Variants in GLMN observed in about 807,000 individuals in gnomAD.
GLMN encodes glomulin, FKBP associated protein, also known as glomulin.
Under a neutral mutation model 87.8 loss-of-function variants are expected in GLMN, and 75 were observed. The ratio of observed to expected loss-of-function variants is 0.85; its 90% CI spans 0.71 to 1.04. The LOEUF is 1.04. GLMN is among the 50% of genes least tolerant of loss of function. The probability of loss-of-function intolerance (pLI) is 0.00; values close to 1 mark genes in which losing one functional copy is unlikely to be tolerated. For synonymous variants in GLMN, 206 were observed against 221.6 expected, an observed-to-expected ratio of 0.93 and a Z score of 0.63; for missense variants, 588 against 658.8, an observed-to-expected ratio of 0.89 and a Z score of 1.18.
upstream of GLMN, chr1:92,300,172 CAT>C (rs1650712388): frequency 1.3e-6 from 2 of 1,573,886 alleles, no homozygotes; most frequent in African/African-American, 1.4e-5. Context: ...TTATGTAGCA[CAT>C]GACTGTATTT....
the GLMN span, among the ~76,000 whole-genome samples, chr1:92,310,106 A>G: frequency 6.6e-6 from 1 of 152,212 alleles, no homozygotes; most frequent in Admixed American, 6.5e-5. Context: ...GGAAACAGTG[A>G]ATAATCTATA....
chr1:92,365,883 C>G, the GLMN span, among the ~76,000 whole-genome samples: 1 of 152,166 alleles, frequency 6.6e-6, no homozygotes, highest in African/African-American at 2.4e-5. Context: ...GTTATTTGTT[C>G]ATCTTTTACT....
rs2087194 is a variant in GLMN, at chr1:92,268,409, A to C, written c.978-274T>G. 0.48 allele frequency among the ~76,000 whole-genome samples: 72,450 copies of C among 152,046 alleles called. 18,272 individuals are homozygous for C. Among genetic ancestry groups the C allele is most frequent in the East Asian group, 0.96 (4,999 of 5,186 alleles). On this transcript the variant is annotated intron_variant, in intron 9 of 18. Coordinates refer to ENST00000370360, the MANE Select transcript of GLMN (RefSeq NM_053274.3). ...AGATCTTCAACAGCAAGTGCTAAGA[A>C]ACTAACTAAACCTGATATAACCAAT... is the stretch of plus-strand genomic sequence containing the variant.
upstream of GLMN, chr1:92,301,671 T>C: frequency 1.9e-6 from 1 of 535,130 alleles, no homozygotes; most frequent in Non-Finnish European, 3.2e-6. Context: ...TTTGCATTAT[T>C]AGAATCTTTG....
At chr1:92,315,087 A>G in the GLMN span, among the ~76,000 whole-genome samples, 4 of 152,104 alleles carry the variant, frequency 2.6e-5, no homozygotes, top group Non-Finnish European at 4.4e-5. Flanking sequence ...TCAGAGAGAC[A>G]GAGGTCTTGT....
At chr1:92,318,298 C>A in the GLMN span, among the ~76,000 whole-genome samples, 6 of 152,184 alleles carry the variant, frequency 3.9e-5, no homozygotes, top group African/African-American at 4.8e-5. Context: ...GTCCTCTTAG[C>A]ATCCCTGGGG....
rs1055944089 is a variant in GLMN at position 92,297,458 on chromosome 1, T to C, written c.111A>G (p.Ile37Met). 1 of 1,611,546 alleles carries C rather than the reference T, an allele frequency of 6.2e-7. No individual in the cohort carries two copies. Among genetic ancestry groups the C allele is most frequent in the African/African-American group, 1.3e-5 (1 of 74,642 alleles). Reference sequence around the variant, plus strand: ...ATAGCTGGTCTGTGTGCCCTTCTTCTATGCATCTTTGCCCAGCTAACTGAA... The same window carrying C: ...ATAGCTGGTCTGTGTGCCCTTCTTCCATGCATCTTTGCCCAGCTAACTGAA... ...GLFQLAGQRC[I>M]EEGHTDQLLE... The change falls in exon 3 of 19, where the codon ATA (isoleucine) becomes ATG (methionine). Residue 37 changes from isoleucine (I) to methionine (M), a missense_variant. Transcript: ENST00000370360.
chr1:92,348,272 C>T, the GLMN span, among the ~76,000 whole-genome samples: 1 of 152,284 alleles, frequency 6.6e-6, no homozygotes, highest in South Asian at 2.1e-4. Flanking sequence ...TTTCGTTATG[C>T]CCTAATCCCT....
chr1:92,267,463 G>C lies in GLMN; in HGVS notation c.1098+450C>G, dbSNP rs150443055. 4.6e-5 allele frequency among the ~76,000 whole-genome samples: 7 copies of C among 152,108 alleles called. No homozygotes were observed. In the East Asian group the frequency reaches 5.8e-4, roughly 13 times the overall value. The stretch of plus-strand genomic sequence containing the variant: ...TCACACCTGTAATCCCAGCACTTTG[G>C]GGGGCTGAGGCAGGCTGATCACGAA... On this transcript the variant is annotated intron_variant, in intron 11 of 18. Coordinates refer to ENST00000370360, the MANE Select transcript of GLMN (RefSeq NM_053274.3).
At chr1:92,355,435 A>C in the GLMN span, among the ~76,000 whole-genome samples, 7 of 152,206 alleles carry the variant, frequency 4.6e-5, no homozygotes, top group Non-Finnish European at 8.8e-5. Context: ...GCGATATATC[A>C]AAGGCTTCTG....
intron 3 of GLMN, among the ~76,000 whole-genome samples, chr1:92,292,440 T>C (rs898540732): frequency 2.0e-5 from 3 of 152,004 alleles, no homozygotes; most frequent in African/African-American, 7.3e-5. Context: ...AAACTGAGTC[T>C]CGCTCTGTCG....
chr1:92,291,599 T>A, intron 3 of GLMN, 62 bp from the exon 4 acceptor site: 1 of 1,545,618 alleles, frequency 6.5e-7, no homozygotes, highest in Non-Finnish European at 8.9e-7. Flanking sequence ...GCAGTGTGCT[T>A]TCCTATCTTG....
chr1:92,310,739 A>G, the GLMN span, among the ~76,000 whole-genome samples: 1 of 152,190 alleles, frequency 6.6e-6, no homozygotes, highest in Non-Finnish European at 1.5e-5. Context: ...TCTACTAAAA[A>G]TATAAAAATT....
At position 92,263,155 on chromosome 1, in the gene GLMN, T is replaced by C. The variant is rs904465935; in HGVS notation, c.1410-229A>G. ...AAAGAAAGCCTTGTTATCTTTAATA[T>C]TTGAGAGCATCATCTCTTGCTTTCT... On this transcript the variant is annotated intron_variant, in intron 15 of 18. Transcript: ENST00000370360. Among the ~76,000 whole-genome samples the C allele has an allele frequency of 1.7e-4, 26 of 152,194 alleles. 1 individual carries two copies. The highest frequency in any genetic ancestry group is 1.7e-3 in the Admixed American group (26 of 15,278).
At chr1:92,302,288 T>C (rs988633874), upstream of GLMN, among the ~76,000 whole-genome samples, 5 of 122,004 alleles carry the variant, frequency 4.1e-5, no homozygotes, top group African/African-American at 1.5e-4. Flanking sequence ...AAAATAAGTA[T>C]ATAAATAATA....
At chr1:92,336,883 A>C in the GLMN span, among the ~76,000 whole-genome samples, 1 of 152,182 alleles carries the variant, frequency 6.6e-6, no homozygotes, top group Non-Finnish European at 1.5e-5. Context: ...TGAATTACAC[A>C]GAACAGACTT....
chr1:92,305,432 CAA>C, the GLMN span, among the ~76,000 whole-genome samples: 36 of 52,694 alleles, frequency 6.8e-4, no homozygotes, highest in African/African-American at 3.5e-3. Flanking sequence ...GGCTCCGTCT[CAA>C]AAAAAAAAAA....
the GLMN span, chr1:92,320,587 T>C: frequency 1.2e-6 from 2 of 1,610,184 alleles, no homozygotes; most frequent in Non-Finnish European, 1.7e-6. Context: ...TATTTCTGTG[T>C]TCTTATTACA....
the GLMN span, chr1:92,336,305 T>C: frequency 2.8e-6 from 4 of 1,427,374 alleles, no homozygotes; most frequent in Non-Finnish European, 3.9e-6. Context: ...AAAGTTTCCA[T>C]ATAATTTTGT....
Sources: gnomAD v4.1 joint callset for allele counts (sites outside exome capture counted in the v4.1 genomes callset) on GRCh38, gnomAD v4.1.1 for gene constraint, MANE v1.5 for transcripts, NCBI Gene and HGNC (gene_info 2026-07-23, HGNC 2026-07-21) for gene names.